DMD: variants seen among roughly 807,000 people sequenced by gnomAD.
DMD encodes dystrophin.
A neutral mutation model predicts 330.1 loss-of-function variants in DMD; 63 were observed. That is an observed-to-expected ratio of 0.19 (90% CI 0.16 to 0.24). The LOEUF (loss-of-function observed/expected upper bound fraction) is 0.24. Among genes scored for constraint, DMD ranks in the 10% least tolerant of loss-of-function variants. The pLI, the probability that DMD is intolerant of heterozygous loss-of-function variation, is 1.00. For missense variants in DMD, 3,344 were observed against 2,684.1 expected (o/e 1.25, Z -5.43); for synonymous variants, 1,223 against 959.8 (o/e 1.27, Z -5.07).
intron 62 of DMD, among the ~76,000 whole-genome samples, chrX:31,277,950 C>T (rs1221394215): frequency 9.2e-6 from 1 of 108,371 alleles, no homozygotes; most frequent in Non-Finnish European, 1.9e-5. Flanking sequence ...ACCTTAGCAT[C>T]ATGCAATGTT....
At chrX:32,353,115 T>A (rs1429955396) in intron 37 of DMD, among the ~76,000 whole-genome samples, 3 of 111,030 alleles carry the variant, frequency 2.7e-5, no homozygotes, top group Non-Finnish European at 5.7e-5. Flanking sequence ...TTGTTTTAGC[T>A]ATGTTATTGG....
At chrX:33,167,536 T>C (rs2049116312) in intron 1 of DMD, among the ~76,000 whole-genome samples, 1 of 111,407 alleles carries the variant, frequency 9.0e-6, no homozygotes, top group Non-Finnish European at 1.9e-5. Flanking sequence ...TTATCTTAAA[T>C]ATAATTTCTT....
intron 55 of DMD, among the ~76,000 whole-genome samples, chrX:31,521,477 G>A (rs2072758622): frequency 8.9e-6 from 1 of 112,146 alleles, no homozygotes; most frequent in South Asian, 3.7e-4. Context: ...TTTTAATAAC[G>A]ATTAAAGAAC....
At chrX:32,128,648 T>C (rs939385128) in intron 44 of DMD, among the ~76,000 whole-genome samples, 2 of 112,115 alleles carry the variant, frequency 1.8e-5, no homozygotes, top group Admixed American at 9.5e-5. Flanking sequence ...GGAGAAATTT[T>C]CATGATGCCT....
At chrX:33,283,984 C>T (rs2053386949) in intron 1 of DMD, among the ~76,000 whole-genome samples, 1 of 111,120 alleles carries the variant, frequency 9.0e-6, no homozygotes, top group African/African-American at 3.3e-5. Context: ...CGCCACTGCA[C>T]TCCAGCCTGG....
intron 50 of DMD, among the ~76,000 whole-genome samples, chrX:31,805,002 G>A (rs1339370828): frequency 9.0e-6 from 1 of 110,797 alleles, no homozygotes; most frequent in Non-Finnish European, 1.9e-5. Context: ...TAGGAATCAC[G>A]CTTATCTTGA....
At chrX:32,231,990 CAAAT>C (rs1315586041) in intron 43 of DMD, among the ~76,000 whole-genome samples, 1 of 110,960 alleles carries the variant, frequency 9.0e-6, no homozygotes, top group Non-Finnish European at 1.9e-5. Flanking sequence ...TTGCAACACA[CAAAT>C]ATAGTATTAT....
chrX:33,163,628 C>CTATCTATGTATCTATGTATCTATG (rs1557282396), intron 1 of DMD, among the ~76,000 whole-genome samples: 2 of 100,069 alleles, frequency 2.0e-5, no homozygotes, highest in East Asian at 6.2e-4. Flanking sequence ...CTCTATCTAT[C>CTATCTATGTATCTATGTATCTATG]TATCTATCTA....
At chrX:32,792,880 C>A (rs1156959842) in intron 7 of DMD, among the ~76,000 whole-genome samples, 1 of 111,973 alleles carries the variant, frequency 8.9e-6, no homozygotes, top group Non-Finnish European at 1.9e-5. Context: ...TTCAACACCC[C>A]ACTCTCAGCA....
At chrX:31,217,361 G>C (rs1183094190) in intron 64 of DMD, among the ~76,000 whole-genome samples, 1 of 111,645 alleles carries the variant, frequency 9.0e-6, no homozygotes, top group Non-Finnish European at 1.9e-5. Flanking sequence ...CACTTAAATA[G>C]TGAATTCTCT....
At chrX:31,590,710 G>A (rs1374670775) in intron 55 of DMD, among the ~76,000 whole-genome samples, 3 of 111,438 alleles carry the variant, frequency 2.7e-5, no homozygotes, top group African/African-American at 9.7e-5. Flanking sequence ...TTTTAAAATA[G>A]GCTTGGGAAA....
At chrX:32,695,612 T>C (rs183008248) in intron 9 of DMD, among the ~76,000 whole-genome samples, 1 of 111,166 alleles carries the variant, frequency 9.0e-6, no homozygotes, top group African/African-American at 3.3e-5. Flanking sequence ...TTTGAGATAT[T>C]AGTGGATATC....
At chrX:32,637,929 T>C (rs1416885377) in intron 11 of DMD, among the ~76,000 whole-genome samples, 1 of 112,152 alleles carries the variant, frequency 8.9e-6, no homozygotes, top group Non-Finnish European at 1.9e-5. Flanking sequence ...AGCATTGTTT[T>C]TGAAGATACG....
chrX:33,171,263 A>G (rs1314746339), intron 1 of DMD, among the ~76,000 whole-genome samples: 4 of 110,485 alleles, frequency 3.6e-5, no homozygotes, highest in Non-Finnish European at 7.6e-5. Context: ...AGAGCTTCTT[A>G]TTGAGAAAGG....
At chrX:32,815,520 T>TATATATATATATATATACACAC in intron 6 of DMD, among the ~76,000 whole-genome samples, 13 of 78,916 alleles carry the variant, frequency 1.6e-4, no homozygotes, top group African/African-American at 3.2e-4. Context: ...TATATATATA[T>TATATATATATATATATACACAC]ACACACACAC....
At chrX:31,681,070 T>C (rs769482167) in intron 52 of DMD, among the ~76,000 whole-genome samples, 3 of 111,188 alleles carry the variant, frequency 2.7e-5, no homozygotes, top group Non-Finnish European at 3.8e-5. Context: ...TTTTTTGCCC[T>C]CACATCCATA....
rs1373888380 is a variant in DMD at position 31,871,970 on chromosome X, T to TA, written c.7098+3217dup. Among the ~76,000 whole-genome samples the TA allele has an allele frequency of 5.1e-4, 55 of 108,724 alleles. 2 individuals are homozygous for TA. Among genetic ancestry groups the TA allele is most frequent in the Admixed American group, 9.0e-4 (9 of 9,954 alleles). 94.4% of individuals were successfully genotyped at this position (108,724 alleles called of 115,157 possible). A position where few individuals can be genotyped will look rare whatever the true frequency, so the allele number is the denominator to read the frequency against. On this transcript the variant is annotated intron_variant, in intron 48 of 78. Coordinates refer to ENST00000357033, the MANE Select transcript of DMD (RefSeq NM_004006.3). ...GGAATGGAAGCTAGACAAAGAGGGA[T>TA]AAAAAACAAGGTAAATTATTATTCA...
intron 60 of DMD, among the ~76,000 whole-genome samples, chrX:31,388,297 C>G (rs772343518): frequency 9.0e-6 from 1 of 110,901 alleles, no homozygotes; most frequent in Non-Finnish European, 1.9e-5. Flanking sequence ...GCCACCACGC[C>G]CGGCCTATCA....
chrX:32,892,631 T>C (rs1452647724), intron 2 of DMD, among the ~76,000 whole-genome samples: 1 of 111,514 alleles, frequency 9.0e-6, no homozygotes, highest in Non-Finnish European at 1.9e-5. Context: ...CTCTTAGACC[T>C]CGTGATCCAC....
Sources: allele counts gnomAD v4.1 joint callset (sites outside exome capture counted in the v4.1 genomes callset), GRCh38; gene constraint gnomAD v4.1.1; transcripts MANE v1.5; gene names NCBI Gene and HGNC (gene_info 2026-07-23, HGNC 2026-07-21).